GABRB1: variants seen among roughly 807,000 people sequenced by gnomAD.
GABRB1 encodes gamma-aminobutyric acid receptor subunit beta-1.
Under a neutral mutation model 51.6 loss-of-function variants are expected in GABRB1, and 17 were observed. The ratio of observed to expected loss-of-function variants is 0.33; its 90% confidence interval spans 0.23 to 0.49. GABRB1 has a LOEUF of 0.49. GABRB1 is among the 20% of genes least tolerant of loss of function. GABRB1 has a pLI of 0.99. For missense variants in GABRB1, 410 were observed against 600.6 expected, an observed-to-expected ratio of 0.68 and a Z score of 3.32; for synonymous variants, 247 against 218.9, an observed-to-expected ratio of 1.13 and a Z score of -1.14.
intron 5 of GABRB1, among the ~76,000 whole-genome samples, chr4:47,362,879 C>T (rs746707048): frequency 6.6e-6 from 1 of 152,092 alleles, no homozygotes; most frequent in Non-Finnish European, 1.5e-5. Context: ...TCAAGATGCT[C>T]ATCAAATAAC....
At chr4:47,154,173 T>G (rs547504832) in intron 3 of GABRB1, among the ~76,000 whole-genome samples, 104 of 151,964 alleles carry the variant, frequency 6.8e-4, no homozygotes, top group Non-Finnish European at 1.4e-3. Flanking sequence ...AGGTGTTTTG[T>G]GGTTGATTAC....
At chr4:47,186,636 A>G (rs1719194435) in intron 4 of GABRB1, among the ~76,000 whole-genome samples, 1 of 151,800 alleles carries the variant, frequency 6.6e-6, no homozygotes, top group Admixed American at 6.6e-5. Flanking sequence ...TAAGCTGATG[A>G]TTTTGCACAG....
chr4:47,031,800 A>G, intron 1 of GABRB1, 69 bp downstream of exon 1: 1 of 1,518,154 alleles, frequency 6.6e-7, no homozygotes, highest in Non-Finnish European at 9.1e-7. Context: ...GTTTCTTTTT[A>G]CGTGTCTGCT....
intron 3 of GABRB1, among the ~76,000 whole-genome samples, chr4:47,147,578 C>T (rs980632181): frequency 6.6e-6 from 1 of 152,118 alleles, no homozygotes; most frequent in African/African-American, 2.4e-5. Flanking sequence ...AGCTAATTTC[C>T]ACACAGAGCA....
chr4:47,011,328 A>T (rs1196118406), intron 1 of GABRB1, among the ~76,000 whole-genome samples: 1 of 152,176 alleles, frequency 6.6e-6, no homozygotes, highest in African/African-American at 2.4e-5. Context: ...AGGGAGCTGC[A>T]GTAGGTATTA....
chr4:47,262,905 A>G (rs1722497554), intron 4 of GABRB1, among the ~76,000 whole-genome samples: 1 of 152,002 alleles, frequency 6.6e-6, no homozygotes, highest in African/African-American at 2.4e-5. Context: ...GACATGGATG[A>G]AGCTGGAAAC....
intron 1 of GABRB1, among the ~76,000 whole-genome samples, chr4:47,013,163 G>GTGTT: frequency 6.6e-6 from 1 of 151,916 alleles, no homozygotes; most frequent in East Asian, 1.9e-4. Flanking sequence ...GTGTGTGTGT[G>GTGTT]TAAGGCTATT....
chr4:47,070,478 C>T (rs1197185021), intron 3 of GABRB1, among the ~76,000 whole-genome samples: 1 of 151,964 alleles, frequency 6.6e-6, no homozygotes, highest in Admixed American at 6.6e-5. Flanking sequence ...ATTACAGGCG[C>T]CAGCTACCAT....
intron 4 of GABRB1, among the ~76,000 whole-genome samples, chr4:47,280,294 C>T (rs1723232548): frequency 6.6e-6 from 1 of 151,882 alleles, no homozygotes; most frequent in Admixed American, 6.6e-5. Context: ...TCTTCCCCCC[C>T]ACTTTTGTTT....
chr4:47,057,084 G>A (rs1577867698), intron 3 of GABRB1, among the ~76,000 whole-genome samples: 3 of 152,190 alleles, frequency 2.0e-5, no homozygotes, highest in Admixed American at 6.5e-5. Context: ...CAGCCTGGGC[G>A]ACAGAGCAAG....
chr4:47,085,271 T>A (rs1218103475), intron 3 of GABRB1, among the ~76,000 whole-genome samples: 8 of 152,170 alleles, frequency 5.3e-5, no homozygotes, highest in Non-Finnish European at 7.4e-5. Flanking sequence ...ATATACAATA[T>A]TTTTCCCCTT....
At chr4:47,155,680 T>C (rs2109726922) in intron 3 of GABRB1, among the ~76,000 whole-genome samples, 1 of 151,964 alleles carries the variant, frequency 6.6e-6, no homozygotes, top group East Asian at 1.9e-4. Context: ...CATATTTGCC[T>C]ACAGTGCATA....
At chr4:47,363,240 T>C (rs981990619) in intron 5 of GABRB1, among the ~76,000 whole-genome samples, 3 of 152,290 alleles carry the variant, frequency 2.0e-5, no homozygotes, top group Admixed American at 1.3e-4. Flanking sequence ...AGAGTTGAAG[T>C]AACTTGTCCA....
intron 4 of GABRB1, among the ~76,000 whole-genome samples, chr4:47,251,094 C>A (rs1309398022): frequency 5.3e-5 from 8 of 152,124 alleles, no homozygotes; most frequent in Non-Finnish European, 1.5e-5. Flanking sequence ...GAGGGAAGGT[C>A]TAGGGCTGAA....
At chr4:47,335,788 G>A (rs756978381) in intron 5 of GABRB1, among the ~76,000 whole-genome samples, 13 of 152,160 alleles carry the variant, frequency 8.5e-5, no homozygotes, top group Non-Finnish European at 1.3e-4. Flanking sequence ...GCAAAAGCAT[G>A]CTTAGATTGA....
At chr4:47,125,478 T>A (rs1326133002) in intron 3 of GABRB1, among the ~76,000 whole-genome samples, 1 of 151,582 alleles carries the variant, frequency 6.6e-6, no homozygotes, top group Non-Finnish European at 1.5e-5. Context: ...ATTTAAACTT[T>A]AGTATAAAAA....
At chr4:47,016,854 T>C (rs909849370) in intron 1 of GABRB1, among the ~76,000 whole-genome samples, 4 of 152,158 alleles carry the variant, frequency 2.6e-5, no homozygotes, top group African/African-American at 9.7e-5. Context: ...TCTCCCAAAG[T>C]GCTGGGATTA....
At chr4:47,091,639 T>A (rs1254262585) in intron 3 of GABRB1, among the ~76,000 whole-genome samples, 1 of 152,112 alleles carries the variant, frequency 6.6e-6, no homozygotes, top group Non-Finnish European at 1.5e-5. Flanking sequence ...ACCTCCCCAT[T>A]TCTAGTTTAT....
At chr4:47,106,695 A>G (rs1714984960) in intron 3 of GABRB1, among the ~76,000 whole-genome samples, 1 of 151,784 alleles carries the variant, frequency 6.6e-6, no homozygotes, top group Non-Finnish European at 1.5e-5. Flanking sequence ...TCTTCTCTCT[A>G]TCTTTCTTGC....
Sources: allele counts gnomAD v4.1 joint callset (sites outside exome capture counted in the v4.1 genomes callset), GRCh38; gene constraint gnomAD v4.1.1; transcripts MANE v1.5; gene names NCBI Gene and HGNC (gene_info 2026-07-23, HGNC 2026-07-21).